LETM1: variants seen among roughly 807,000 people sequenced by gnomAD.
LETM1 encodes leucine zipper and EF-hand containing transmembrane protein 1.
In LETM1, 50 loss-of-function variants were observed where a neutral mutation model predicts 74.5. The observed-to-expected ratio is 0.67, with a 90% CI of 0.53 to 0.85. The LOEUF (loss-of-function observed/expected upper bound fraction) is 0.85, where lower values mean the gene tolerates loss of function less well. Ranked by LOEUF, LETM1 falls within the 40% of genes least tolerant of loss-of-function variation. LETM1 has a pLI of 0.00. For synonymous variants in LETM1, 446 were observed against 407.1 expected, an observed-to-expected ratio of 1.10 and a Z score of -1.15; for missense variants, 824 against 967.8, an observed-to-expected ratio of 0.85 and a Z score of 1.97.
At chr4:1,829,274 T>C (rs1276908641) in intron 6 of LETM1, among the ~76,000 whole-genome samples, 4 of 125,604 alleles carry the variant, frequency 3.2e-5, no homozygotes, top group Non-Finnish European at 3.3e-5. Flanking sequence ...GAGGGGCTCC[T>C]CACTTCCCAG....
chr4:1,838,541 A>G (rs1265111921), intron 3 of LETM1, among the ~76,000 whole-genome samples: 2 of 152,150 alleles, frequency 1.3e-5, no homozygotes, highest in East Asian at 3.9e-4. Flanking sequence ...GCCTGGCATG[A>G]CAGCGTGCGT....
intron 10 of LETM1, among the ~76,000 whole-genome samples, chr4:1,821,850 C>T (rs1413425989): frequency 6.6e-6 from 1 of 152,164 alleles, no homozygotes; most frequent in African/African-American, 2.4e-5. Context: ...GCTTCCACAC[C>T]CCTTCACTGT....
chr4:1,827,274 CTTTTTTTT>C (rs759264558), intron 6 of LETM1, among the ~76,000 whole-genome samples: 1 of 103,746 alleles, frequency 9.6e-6, no homozygotes, highest in Non-Finnish European at 2.1e-5. Context: ...ATTGACAGTT[CTTTTTTTT>C]TTTTTTTTTT....
rs977677850 is a variant in LETM1 at position 1,811,710 on chromosome 4, T to A, written c.*2714A>T. On this transcript the variant is annotated 3_prime_UTR_variant, in exon 14 of 14. Transcript: ENST00000302787. ...AGCCCTGGGACCCACTGTGAGCCAC[T>A]GCGGGGTGTCCTTCATTTAAAAAAA... 1 of 152,268 alleles carries A rather than the reference T, an allele frequency of 6.6e-6. No individual in the cohort carries two copies. The allele number at this position is 152,268 out of a possible 1,614,324, so 9.4% of individuals were successfully genotyped here. A position where few individuals can be genotyped will look rare whatever the true frequency, so the allele number is the denominator to read the frequency against.
At chr4:1,820,885 G>A (rs954512513) in intron 10 of LETM1, among the ~76,000 whole-genome samples, 2 of 152,012 alleles carry the variant, frequency 1.3e-5, no homozygotes, top group Non-Finnish European at 2.9e-5. Flanking sequence ...TTAGCTGGGT[G>A]TGGTGGTGGG....
At chr4:1,818,151 C>T (rs932934003) in intron 11 of LETM1, among the ~76,000 whole-genome samples, 1 of 151,844 alleles carries the variant, frequency 6.6e-6, no homozygotes, top group African/African-American at 2.4e-5. Flanking sequence ...ATGGGGAAGG[C>T]GAGGGGAGGG....
rs113258214 is a variant in LETM1 at position 1,823,318 on chromosome 4, C to T, written c.1333-187G>A. 1.9e-3 allele frequency among the ~76,000 whole-genome samples: 289 copies of T among 150,134 alleles called. 1 individual carries two copies. Among genetic ancestry groups the T allele is most frequent in the African/African-American group, 6.9e-3 (277 of 40,192 alleles). Reference sequence around the variant, plus strand: ...AGGCCCCTGGGCCGCCCTCTGCGCTCGCCCGATGACTCCTGACATGTGGGA... The same window carrying T: ...AGGCCCCTGGGCCGCCCTCTGCGCTTGCCCGATGACTCCTGACATGTGGGA... On this transcript the variant is annotated intron_variant, in intron 8 of 13. Transcript: ENST00000302787.
At chr4:1,828,873 A>C (rs1192188345) in intron 6 of LETM1, among the ~76,000 whole-genome samples, 5 of 64,846 alleles carry the variant, frequency 7.7e-5, no homozygotes, top group African/African-American at 1.3e-4. Context: ...TGACACCCCC[A>C]CCTCCCTCCC....
intron 6 of LETM1, among the ~76,000 whole-genome samples, chr4:1,826,976 C>A (rs1712011793): frequency 6.6e-6 from 1 of 151,950 alleles, no homozygotes; most frequent in African/African-American, 2.4e-5. Context: ...GTGTCGCCTC[C>A]ACTCGCATCG....
chr4:1,822,706 T>A (rs1453521399), intron 9 of LETM1: 1 of 364,686 alleles, frequency 2.7e-6, no homozygotes, highest in Non-Finnish European at 4.9e-6. Context: ...AGCAAGTCCC[T>A]GAGGAGAGGG....
rs1317454192 is a variant in LETM1, at chr4:1,823,072, G to C, written c.1392C>G (p.Ala464=). The change falls in exon 9 of 14, where the codon GCC becomes GCG. Residue 464 remains alanine (A), a synonymous_variant. Coordinates refer to ENST00000302787, the MANE Select transcript of LETM1 (RefSeq NM_012318.3). The part of the protein sequence containing the change: ...EVEGEQVDNK[A]KLEATLQEEA... ...CCTCCTGCAGCGTGGCCTCCAGCTT[G>C]GCCTTGTTGTCCACCTGCTCGCCCT... 6.2e-7 allele frequency: 1 copy of C among 1,610,084 alleles called. No homozygotes were observed. The highest frequency in any genetic ancestry group is 8.5e-7 in the Non-Finnish European group (1 of 1,177,852).
intron 13 of LETM1, among the ~76,000 whole-genome samples, chr4:1,815,222 C>T (rs367566512): frequency 5.9e-4 from 90 of 152,362 alleles, no homozygotes; most frequent in African/African-American, 2.1e-3. Flanking sequence ...CAGCAGTCAC[C>T]TCTCAGCCTT....
At chr4:1,830,204 G>A (rs943677895) in intron 6 of LETM1, among the ~76,000 whole-genome samples, 2 of 152,138 alleles carry the variant, frequency 1.3e-5, no homozygotes, top group African/African-American at 4.8e-5. Context: ...GTTCAAACAG[G>A]TAATTTCTAT....
chr4:1,823,211 T>TGTGTCCC, intron 8 of LETM1, 80 bp from the exon 9 acceptor site: 1 of 1,472,960 alleles, frequency 6.8e-7, no homozygotes, highest in Non-Finnish European at 9.1e-7. Context: ...TCCTGTGTCC[T>TGTGTCCC]GTGTCCCCTG....
intron 6 of LETM1, among the ~76,000 whole-genome samples, chr4:1,827,959 G>T (rs1712062847): frequency 6.7e-6 from 1 of 148,246 alleles, no homozygotes; most frequent in African/African-American, 2.6e-5. Flanking sequence ...GCGGCTGGCC[G>T]GGCAGAGGGG....
At chr4:1,828,229 ACCG>A (rs1712083719) in intron 6 of LETM1, among the ~76,000 whole-genome samples, 1 of 71,140 alleles carries the variant, frequency 1.4e-5, no homozygotes, top group African/African-American at 5.3e-5. Context: ...GGGGGGGCTG[ACCG>A]CCCCCCACCT....
At chr4:1,832,674 G>C in intron 6 of LETM1, 70 bp downstream of exon 6, 3 of 1,446,552 alleles carry the variant, frequency 2.1e-6, no homozygotes, top group East Asian at 2.3e-5. Context: ...ATGAGGACAT[G>C]CTGCTTTTAT....
intron 7 of LETM1, among the ~76,000 whole-genome samples, chr4:1,824,556 G>A (rs1711913310): frequency 6.6e-6 from 1 of 152,200 alleles, no homozygotes; most frequent in Admixed American, 6.5e-5. Context: ...GAAAGGCAAC[G>A]CTGAGGAGAA....
chr4:1,836,345 G>T lies in LETM1; in HGVS notation c.738+84C>A. The T allele has an allele frequency of 2.9e-6, 4 of 1,359,094 alleles. No homozygotes were observed. The highest frequency in any genetic ancestry group is 3.1e-6 in the Non-Finnish European group (3 of 957,682). The allele number at this position is 1,359,094 out of a possible 1,614,324, so 84.2% of individuals were successfully genotyped here. ...ATACATAAAGTCTCAAAAATATCTA[G>T]CACCTGAAAAGTCACAAACAAGGAA... On this transcript the variant is annotated intron_variant, in intron 4 of 13. Coordinates refer to ENST00000302787, the MANE Select transcript of LETM1 (RefSeq NM_012318.3). The surrounding 1 kb of genome is among the most constrained non-coding windows in gnomAD (Gnocchi z 5.8).
Sources: gnomAD v4.1 joint callset for allele counts (sites outside exome capture counted in the v4.1 genomes callset) on GRCh38, gnomAD v4.1.1 for gene constraint, Gnocchi (gnomAD v3.1) non-coding constraint, MANE v1.5 for transcripts, NCBI Gene and HGNC (gene_info 2026-07-23, HGNC 2026-07-21) for gene names.